Variants in TPST1 observed in about 807,000 individuals in gnomAD.
The protein encoded by TPST1 is tyrosylprotein sulfotransferase 1, also known as protein-tyrosine sulfotransferase 1.
TPST1 carries 20 observed loss-of-function variants against 34.8 expected under a neutral mutation model. The ratio of observed to expected loss-of-function variants is 0.57; its 90% CI spans 0.40 to 0.84. The LOEUF (loss-of-function observed/expected upper bound fraction) is 0.84. TPST1 is among the 40% of genes least tolerant of loss of function. The probability of loss-of-function intolerance (pLI) is 0.00; values close to 1 mark genes in which losing one functional copy is unlikely to be tolerated. For synonymous variants in TPST1, 152 were observed against 159.4 expected, an observed-to-expected ratio of 0.95 and a Z score of 0.35; for missense variants, 353 against 455.5, an observed-to-expected ratio of 0.78 and a Z score of 2.05.
At chr7:66,328,856 C>T (rs531649332) in intron 3 of TPST1, among the ~76,000 whole-genome samples, 85 of 77,932 alleles carry the variant, frequency 1.1e-3, no homozygotes, top group Non-Finnish European at 1.9e-3. Context: ...CTCTCTCTCT[C>T]CCGCTCTCTC....
At chr7:66,328,999 C>T (rs1791942945) in intron 3 of TPST1, among the ~76,000 whole-genome samples, 1 of 144,232 alleles carries the variant, frequency 6.9e-6, no homozygotes, top group East Asian at 2.1e-4. Flanking sequence ...GCAGCCTCAA[C>T]CCCACGGGCT....
upstream of TPST1, among the ~76,000 whole-genome samples, chr7:66,203,509 G>A (rs1251426477): frequency 7.1e-6 from 1 of 140,630 alleles, no homozygotes; most frequent in African/African-American, 2.6e-5. Context: ...TTTTTGAGAC[G>A]GAGTCTCACT....
At chr7:66,214,307 T>A (rs1317258611) in intron 1 of TPST1, among the ~76,000 whole-genome samples, 1 of 151,790 alleles carries the variant, frequency 6.6e-6, no homozygotes, top group African/African-American at 2.4e-5. Context: ...TATATAATAT[T>A]GTCCTCCTTT....
At chr7:66,278,235 T>C (rs1194032894) in intron 2 of TPST1, among the ~76,000 whole-genome samples, 1 of 151,860 alleles carries the variant, frequency 6.6e-6, no homozygotes, top group Non-Finnish European at 1.5e-5. Context: ...GTTGATAAGA[T>C]TTCCTGATGG....
intron 3 of TPST1, among the ~76,000 whole-genome samples, chr7:66,310,726 T>C (rs1791513103): frequency 1.3e-5 from 2 of 152,210 alleles, no homozygotes; most frequent in Non-Finnish European, 2.9e-5. Flanking sequence ...TTCCAACTAA[T>C]ACCATACTGG....
chr7:66,334,224 G>C (rs1278680237), intron 3 of TPST1, among the ~76,000 whole-genome samples: 1 of 152,180 alleles, frequency 6.6e-6, no homozygotes, highest in African/African-American at 2.4e-5. Flanking sequence ...AGAAGAGATA[G>C]ATTCCCTTAG....
In TPST1 at chr7:66,240,632, G is replaced by A. The variant is rs578171737; in HGVS notation, c.207G>A (p.Met69Ile). 4 of 1,614,182 alleles carry A rather than the reference G, an allele frequency of 2.5e-6. No individual in the cohort carries two copies. In the Admixed American group the frequency reaches 5.0e-5, roughly 20 times the overall value. ...ANKTFAYHKD[M>I]PLIFIGGVPR... ...AAACCTTTGCCTATCACAAAGATATGCCTTTAATATTTATTGGAGGTGTGC... is the reference window on the plus strand; with the variant it reads ...AAACCTTTGCCTATCACAAAGATATACCTTTAATATTTATTGGAGGTGTGC... Residue 69 changes from methionine (M) to isoleucine (I), a missense_variant, in exon 2 of 6, where the codon ATG (methionine) becomes ATA (isoleucine). Transcript: ENST00000304842.
intron 2 of TPST1, among the ~76,000 whole-genome samples, chr7:66,257,710 GTACACCCTTCTT>G (rs1790407486): frequency 6.6e-6 from 1 of 152,122 alleles, no homozygotes; most frequent in South Asian, 2.1e-4. Context: ...CGAATCTAAG[GTACACCCTTCTT>G]TACTTTGTGA....
chr7:66,241,995 G>C (rs1790046107), intron 2 of TPST1, among the ~76,000 whole-genome samples: 2 of 152,052 alleles, frequency 1.3e-5, no homozygotes, highest in Admixed American at 1.3e-4. Context: ...TCCAAAATTT[G>C]GAAGCCTAAT....
chr7:66,325,425 A>G (rs1224030321), intron 3 of TPST1, among the ~76,000 whole-genome samples: 1 of 151,452 alleles, frequency 6.6e-6, no homozygotes. Flanking sequence ...CCTCATGAAC[A>G]TTTTAAAGTG....
chr7:66,207,587 G>A (rs985679352), intron 1 of TPST1, among the ~76,000 whole-genome samples: 1 of 152,062 alleles, frequency 6.6e-6, no homozygotes, highest in African/African-American at 2.4e-5. Flanking sequence ...AGATTAACGT[G>A]GCATTCCTTA....
At chr7:66,268,205 A>C (rs957003874) in intron 2 of TPST1, among the ~76,000 whole-genome samples, 9 of 152,082 alleles carry the variant, frequency 5.9e-5, no homozygotes, top group Non-Finnish European at 8.8e-5. Context: ...CACCCACCTC[A>C]GCCTCTCAAA....
chr7:66,271,461 G>A (rs990718449), intron 2 of TPST1, among the ~76,000 whole-genome samples: 2 of 152,232 alleles, frequency 1.3e-5, no homozygotes, highest in Non-Finnish European at 2.9e-5. Flanking sequence ...ACAGGCGTGA[G>A]CCACCGTGCC....
At chr7:66,210,342 C>T (rs1789217752) in intron 1 of TPST1, among the ~76,000 whole-genome samples, 1 of 152,174 alleles carries the variant, frequency 6.6e-6, no homozygotes, top group Non-Finnish European at 1.5e-5. Flanking sequence ...CCTGAGAGAG[C>T]AGTTGGCCCT....
At chr7:66,263,647 C>A (rs917751207) in intron 2 of TPST1, among the ~76,000 whole-genome samples, 2 of 152,114 alleles carry the variant, frequency 1.3e-5, no homozygotes, top group Admixed American at 1.3e-4. Flanking sequence ...TGAGGACGAG[C>A]AGTTTGTTAT....
chr7:66,320,667 C>G (rs1045857669), intron 3 of TPST1, among the ~76,000 whole-genome samples: 10 of 151,906 alleles, frequency 6.6e-5, no homozygotes, highest in Non-Finnish European at 1.2e-4. Flanking sequence ...GGAGTGATCT[C>G]GTCTCACCAC....
chr7:66,339,356 T>C (rs895820344), intron 3 of TPST1, among the ~76,000 whole-genome samples: 4 of 152,016 alleles, frequency 2.6e-5, no homozygotes, highest in Non-Finnish European at 5.9e-5. Flanking sequence ...TGAAGCCATA[T>C]AAAAAAAGTC....
At chr7:66,229,879 T>C (rs1179678456) in intron 1 of TPST1, among the ~76,000 whole-genome samples, 1 of 152,194 alleles carries the variant, frequency 6.6e-6, no homozygotes, top group Non-Finnish European at 1.5e-5. Context: ...TAAAATTCCC[T>C]ACTATCTAGG....
At chr7:66,315,242 G>A (rs1338465799) in intron 3 of TPST1, among the ~76,000 whole-genome samples, 2 of 152,246 alleles carry the variant, frequency 1.3e-5, no homozygotes, top group Non-Finnish European at 2.9e-5. Flanking sequence ...TAGCAACAGT[G>A]GGAAGCCATT....
Sources: gnomAD v4.1 joint callset for allele counts (sites outside exome capture counted in the v4.1 genomes callset) on GRCh38, gnomAD v4.1.1 for gene constraint, MANE v1.5 for transcripts, NCBI Gene and HGNC (gene_info 2026-07-23, HGNC 2026-07-21) for gene names.